The following BNC1 variants were observed in gnomAD, a reference collection of about 807,000 sequenced individuals.
BNC1 encodes zinc finger protein basonuclin-1.
In BNC1, 8 loss-of-function variants were observed where a neutral mutation model predicts 66.5. That is an observed-to-expected ratio of 0.12 (90% CI 0.07 to 0.22). The LOEUF is 0.22. Among genes scored for constraint, BNC1 ranks in the 10% least tolerant of loss-of-function variants. The probability of loss-of-function intolerance (pLI) is 1.00; values close to 1 mark genes in which losing one functional copy is unlikely to be tolerated. For synonymous variants in BNC1, 454 were observed against 452.6 expected (o/e 1.00, Z -0.04); for missense variants, 1,069 against 1,241.3 (o/e 0.86, Z 2.09).
chr15:83,263,081 T>A lies in BNC1; in HGVS notation c.2170A>T (p.Ile724Phe). The part of the protein sequence containing the change: ...QIEENRFQCD[I>F]CKKTFKNACS... ...GCATTTTTAAAGGTCTTCTTGCAGA[T>A]GTCACACTGGAAGCGATTTTCTTCT... Residue 724 changes from isoleucine (I) to phenylalanine (F), a missense_variant, in exon 4 of 5, where the codon ATC (isoleucine) becomes TTC (phenylalanine). This residue lies in a region of BNC1 where 657 missense variants were observed against 715.8 expected (regional missense o/e 0.92). Transcript: ENST00000345382. The A allele has an allele frequency of 6.2e-7, 1 of 1,614,246 alleles. No homozygotes were observed. Among genetic ancestry groups the A allele is most frequent in the Admixed American group, 1.7e-5 (1 of 60,034 alleles).
chr15:83,273,676 G>A (rs2038290097), intron 1 of BNC1, among the ~76,000 whole-genome samples: 1 of 152,122 alleles, frequency 6.6e-6, no homozygotes, highest in Non-Finnish European at 1.5e-5. Context: ...ATTGGGTTTT[G>A]CAGTCTTGGG....
intron 4 of BNC1, among the ~76,000 whole-genome samples, chr15:83,262,028 T>C (rs904775251): frequency 1.3e-5 from 2 of 151,176 alleles, no homozygotes; most frequent in African/African-American, 4.9e-5. Flanking sequence ...AACCTGCTAA[T>C]GTGACAACTA....
intron 1 of BNC1, among the ~76,000 whole-genome samples, chr15:83,274,160 G>A (rs2038295762): frequency 6.6e-6 from 1 of 152,090 alleles, no homozygotes; most frequent in Non-Finnish European, 1.5e-5. Flanking sequence ...CGAGGTGGGT[G>A]GACCACGAAG....
chr15:83,284,507 C>T, intron 1 of BNC1, 23 bp downstream of exon 1: 1 of 1,198,676 alleles, frequency 8.3e-7, no homozygotes, highest in South Asian at 1.9e-5. Flanking sequence ...AATCCCCGCG[C>T]CCGCGGAGGG....
intron 4 of BNC1, among the ~76,000 whole-genome samples, chr15:83,262,077 C>T (rs2038149797): frequency 7.5e-6 from 1 of 132,460 alleles, no homozygotes; most frequent in African/African-American, 2.9e-5. Flanking sequence ...GAGACAGAGT[C>T]TCGCTCTGTC....
At chr15:83,268,302 C>T (rs1398346000) in intron 1 of BNC1, 70 bp from the exon 2 acceptor site, 5 of 1,358,760 alleles carry the variant, frequency 3.7e-6, no homozygotes, top group Non-Finnish European at 5.3e-6. Flanking sequence ...GTATTTCAAA[C>T]AAAACATATT....
chr15:83,263,188 G>A lies in BNC1; in HGVS notation c.2063C>T (p.Ser688Phe). Reference sequence around the variant, plus strand: ...ACAAGGAAAAGCCATTCCCCTGTTGGACAAAGCACTGAAGAGTCCCCCAGC... The same window carrying A: ...ACAAGGAAAAGCCATTCCCCTGTTGAACAAAGCACTGAAGAGTCCCCCAGC... ...LLAGGLFSALSNRGMAFPCLE... is the reference protein window; with the variant it reads ...LLAGGLFSALFNRGMAFPCLE... The change falls in exon 4 of 5, where the codon TCC becomes TTC. Residue 688 changes from serine (S) to phenylalanine (F), a missense_variant. By Grantham distance (155) the Ser-to-Phe change is radical (BLOSUM62 -2). Coordinates refer to ENST00000345382, the MANE Select transcript of BNC1 (RefSeq NM_001717.4). 6.2e-7 allele frequency: 1 copy of A among 1,614,174 alleles called. No homozygotes were observed. Among genetic ancestry groups the A allele is most frequent in the South Asian group, 1.1e-5 (1 of 91,084 alleles).
chr15:83,283,072 G>A (rs1336349171), intron 1 of BNC1: 6 of 1,298,886 alleles, frequency 4.6e-6, no homozygotes, highest in African/African-American at 1.5e-5. Context: ...GATGCCCCCC[G>A]CCCCCCAACC....
chr15:83,263,428 G>T lies in BNC1; in HGVS notation c.1823C>A (p.Pro608His), dbSNP rs149382818. The T allele has an allele frequency of 2.5e-6, 4 of 1,614,118 alleles. No individual in the cohort carries two copies. In the East Asian group the frequency reaches 6.7e-5, roughly 27 times the overall value. ...CTCAATTACTGATTCACGATGGCAG[G>T]GCCTCTCCCCTTCAGGGAAAGGCTT... ...LGKPFPEGERPCHRESVIESS... is the reference protein window; with the variant it reads ...LGKPFPEGERHCHRESVIESS... Residue 608 changes from proline (P) to histidine (H), a missense_variant, in exon 4 of 5, where the codon CCC becomes CAC. Around this residue, in one of 7 missense-constraint regions of BNC1, gnomAD observed 657 missense variants for 715.8 expected, o/e 0.92. Transcript: ENST00000345382.
chr15:83,273,460 T>C (rs1056253599), intron 1 of BNC1, among the ~76,000 whole-genome samples: 1 of 152,236 alleles, frequency 6.6e-6, no homozygotes. Flanking sequence ...TTCAGAAACA[T>C]AAAGCAGATG....
chr15:83,266,035 A>G (rs1186162671), intron 3 of BNC1, among the ~76,000 whole-genome samples: 1 of 152,158 alleles, frequency 6.6e-6, no homozygotes, highest in Non-Finnish European at 1.5e-5. Flanking sequence ...GCTGTTTCAT[A>G]TCTTAAAGGA....
chr15:83,258,357 G>A (rs2038106227), intron 4 of BNC1, among the ~76,000 whole-genome samples: 1 of 152,226 alleles, frequency 6.6e-6, no homozygotes, highest in African/African-American at 2.4e-5. Context: ...TCTGGATACT[G>A]AGAATATGTA....
chr15:83,280,772 T>C (rs2038369739), intron 1 of BNC1, among the ~76,000 whole-genome samples: 1 of 152,158 alleles, frequency 6.6e-6, no homozygotes, highest in African/African-American at 2.4e-5. Context: ...TTTGGTAGGA[T>C]CACACAAATA....
intron 1 of BNC1, among the ~76,000 whole-genome samples, chr15:83,275,429 G>C (rs1162029908): frequency 1.3e-5 from 2 of 149,702 alleles, no homozygotes; most frequent in African/African-American, 2.5e-5. Flanking sequence ...CCGGGAAGTG[G>C]AAGTTGCAGT....
intron 4 of BNC1, among the ~76,000 whole-genome samples, chr15:83,260,428 C>G (rs1016510340): frequency 6.6e-6 from 1 of 151,956 alleles, no homozygotes; most frequent in African/African-American, 2.4e-5. Flanking sequence ...TAGAGAAAAG[C>G]TCTTGAGTAA....
intron 4 of BNC1, among the ~76,000 whole-genome samples, chr15:83,258,798 A>G (rs1220751254): frequency 6.6e-6 from 1 of 152,240 alleles, no homozygotes; most frequent in Non-Finnish European, 1.5e-5. Context: ...GGCTAGTATC[A>G]TATGTTGAAA....
intron 1 of BNC1, among the ~76,000 whole-genome samples, chr15:83,272,892 C>A (rs888158962): frequency 6.6e-6 from 1 of 152,172 alleles, no homozygotes; most frequent in African/African-American, 2.4e-5. Context: ...TGATCAACAT[C>A]CCTGACTGCT....
At chr15:83,282,163 C>T (rs2038385933) in intron 1 of BNC1, among the ~76,000 whole-genome samples, 1 of 152,168 alleles carries the variant, frequency 6.6e-6, no homozygotes, top group Admixed American at 6.5e-5. Flanking sequence ...TATGCAGATG[C>T]CTGAACATAA....
chr15:83,282,821 A>G (rs1595944533), intron 1 of BNC1, among the ~76,000 whole-genome samples: 1 of 152,238 alleles, frequency 6.6e-6, no homozygotes, highest in South Asian at 2.1e-4. Flanking sequence ...AATTGTTGCT[A>G]CATCTGCTCT....
Sources: allele counts gnomAD v4.1 joint callset (sites outside exome capture counted in the v4.1 genomes callset), GRCh38; gene constraint gnomAD v4.1.1; regional missense constraint gnomAD v4.1.1; transcripts MANE v1.5; gene names NCBI Gene and HGNC (gene_info 2026-07-23, HGNC 2026-07-21).